The following PPA2 variants were observed in gnomAD, a reference collection of about 807,000 sequenced individuals.
PPA2 encodes the protein inorganic pyrophosphatase 2.
PPA2 carries 48 observed loss-of-function variants against 49.5 expected under a neutral mutation model. The ratio of observed to expected loss-of-function variants is 0.97; its 90% CI spans 0.77 to 1.23. The LOEUF is 1.23. Among genes scored for constraint, PPA2 ranks in the 50% most tolerant of loss-of-function variants. PPA2 has a pLI of 0.00. For synonymous variants in PPA2, 131 were observed against 139.9 expected, an observed-to-expected ratio of 0.94 and a Z score of 0.45; for missense variants, 429 against 410.1, an observed-to-expected ratio of 1.05 and a Z score of -0.40.
chr4:105,448,574 T>TA (rs1722512625), intron 4 of PPA2, among the ~76,000 whole-genome samples: 1 of 149,356 alleles, frequency 6.7e-6, no homozygotes, highest in Non-Finnish European at 1.5e-5. Flanking sequence ...CCGGAAAAAT[T>TA]TAAAAAAAAA....
chr4:105,377,339 T>G, intron 10 of PPA2, among the ~76,000 whole-genome samples: 1 of 152,310 alleles, frequency 6.6e-6, no homozygotes, highest in South Asian at 2.1e-4. Flanking sequence ...TTGAATACCT[T>G]ATCTGCTGGA....
At chr4:105,420,344 T>A (rs1723197944) in intron 7 of PPA2, among the ~76,000 whole-genome samples, 4 of 152,318 alleles carry the variant, frequency 2.6e-5, no homozygotes, top group African/African-American at 9.6e-5. Flanking sequence ...TGCACTCAAG[T>A]GACCTTCCTG....
intron 10 of PPA2, among the ~76,000 whole-genome samples, chr4:105,372,817 T>C (rs1268597764): frequency 1.3e-5 from 2 of 152,236 alleles, no homozygotes; most frequent in African/African-American, 4.8e-5. Flanking sequence ...TTTCTGTATA[T>C]GCACATCCAA....
chr4:105,468,145 G>C (rs1259882014), intron 1 of PPA2, among the ~76,000 whole-genome samples: 1 of 152,166 alleles, frequency 6.6e-6, no homozygotes, highest in African/African-American at 2.4e-5. Flanking sequence ...GTCCATGGCT[G>C]TATGTTACAA....
chr4:105,390,570 A>G (rs1351672704), intron 9 of PPA2, among the ~76,000 whole-genome samples: 1 of 152,232 alleles, frequency 6.6e-6, no homozygotes, highest in Non-Finnish European at 1.5e-5. Context: ...ATCATCACTG[A>G]TCATTAGAGA....
At chr4:105,430,273 C>T (rs1212309727) in intron 6 of PPA2, among the ~76,000 whole-genome samples, 1 of 152,172 alleles carries the variant, frequency 6.6e-6, no homozygotes, top group African/African-American at 2.4e-5. Flanking sequence ...ATTCTAAAAT[C>T]TTAACATAAA....
chr4:105,449,306 CATT>C, intron 4 of PPA2, 41 bp downstream of exon 4: 1 of 1,060,396 alleles, frequency 9.4e-7, no homozygotes, highest in Non-Finnish European at 1.4e-6. Context: ...AGTTTTATAT[CATT>C]ATAATCATTT....
intron 7 of PPA2, among the ~76,000 whole-genome samples, chr4:105,404,561 C>A (rs982172565): frequency 1.3e-5 from 2 of 152,136 alleles, no homozygotes; most frequent in African/African-American, 4.8e-5. Context: ...CATATTGTAT[C>A]ACTTTGGGAA....
chr4:105,394,235 C>G (rs183807926), intron 9 of PPA2, among the ~76,000 whole-genome samples: 70 of 152,050 alleles, frequency 4.6e-4, no homozygotes, highest in African/African-American at 1.6e-3. Context: ...GGCTTGGTTT[C>G]AGGCTTATGT....
At chr4:105,435,327 G>T (rs140611441) in intron 6 of PPA2, among the ~76,000 whole-genome samples, 1 of 152,224 alleles carries the variant, frequency 6.6e-6, no homozygotes, top group African/African-American at 2.4e-5. Context: ...CTGGCTATAA[G>T]ATGCAAGGAT....
intron 10 of PPA2, among the ~76,000 whole-genome samples, chr4:105,376,778 A>G (rs2636698): frequency 0.52 from 78,518 of 151,976 alleles, 21,219 homozygotes; most frequent in East Asian, 0.68. Flanking sequence ...ACATGTCTGA[A>G]GCAAGTCTGG....
chr4:105,454,302 C>CTGTTGTTGTTGT (rs111229489), intron 2 of PPA2, among the ~76,000 whole-genome samples: 35 of 146,284 alleles, frequency 2.4e-4, no homozygotes, highest in Admixed American at 4.1e-4. Context: ...TTTGCTGCTG[C>CTGTTGTTGTTGT]TGTTGTTGTT....
chr4:105,437,460 T>G (rs1724117070), intron 6 of PPA2, among the ~76,000 whole-genome samples: 1 of 152,164 alleles, frequency 6.6e-6, no homozygotes, highest in African/African-American at 2.4e-5. Flanking sequence ...CAGTAGGATG[T>G]GGCAACCTGG....
chr4:105,444,178 G>C (rs1354441414), intron 5 of PPA2, among the ~76,000 whole-genome samples: 2 of 152,132 alleles, frequency 1.3e-5, no homozygotes, highest in African/African-American at 4.8e-5. Flanking sequence ...TGAATGAACA[G>C]TTTGGTGAAG....
At chr4:105,416,652 A>G (rs1358554182) in intron 7 of PPA2, among the ~76,000 whole-genome samples, 1 of 152,232 alleles carries the variant, frequency 6.6e-6, no homozygotes, top group Non-Finnish European at 1.5e-5. Flanking sequence ...TAGTTTCTGT[A>G]TCACAAATAG....
chr4:105,371,822 G>A (rs2110357030), intron 10 of PPA2, among the ~76,000 whole-genome samples: 1 of 152,116 alleles, frequency 6.6e-6, no homozygotes, highest in Non-Finnish European at 1.5e-5. Flanking sequence ...GTAATGACCT[G>A]GAAACTCTCA....
intron 6 of PPA2, among the ~76,000 whole-genome samples, chr4:105,437,639 A>G (rs1001398794): frequency 6.6e-6 from 1 of 152,232 alleles, no homozygotes; most frequent in African/African-American, 2.4e-5. Flanking sequence ...TTTGTAGACT[A>G]TACAATCTCT....
chr4:105,410,308 A>C (rs1409063797), intron 7 of PPA2, among the ~76,000 whole-genome samples: 3 of 152,250 alleles, frequency 2.0e-5, no homozygotes, highest in Non-Finnish European at 4.4e-5. Context: ...GGAAGAAAGG[A>C]TATCAGTGAC....
intron 10 of PPA2, among the ~76,000 whole-genome samples, chr4:105,385,024 C>T (rs1296883365): frequency 6.6e-6 from 1 of 152,162 alleles, no homozygotes; most frequent in African/African-American, 2.4e-5. Context: ...TTGAATACCT[C>T]AGACATCCTC....
Sources: allele counts gnomAD v4.1 joint callset (sites outside exome capture counted in the v4.1 genomes callset), GRCh38; gene constraint gnomAD v4.1.1; transcripts MANE v1.5; gene names NCBI Gene and HGNC (gene_info 2026-07-23, HGNC 2026-07-21).